Variants in WDR7 observed in about 807,000 individuals in gnomAD.
The protein encoded by WDR7 is WD repeat-containing protein 7.
A neutral mutation model predicts 169.4 loss-of-function variants in WDR7; 46 were observed. That is an observed-to-expected ratio of 0.27 (90% CI 0.21 to 0.35). The LOEUF is 0.35. WDR7 is among the 10% of genes least tolerant of loss of function. The pLI, the probability that WDR7 is intolerant of heterozygous loss-of-function variation, is 1.00. For missense variants in WDR7, 1,534 were observed against 1,859.3 expected (o/e 0.83, Z 3.22); for synonymous variants, 612 against 666.8 (o/e 0.92, Z 1.27).
intron 12 of WDR7, among the ~76,000 whole-genome samples, chr18:56,702,173 C>T (rs1337131862): frequency 1.2e-4 from 19 of 152,146 alleles, no homozygotes; most frequent in Admixed American, 1.2e-3. Context: ...TCCAACGCTC[C>T]ATCATTAGAA....
chr18:57,031,123 T>C (rs943732822), downstream of WDR7: 4 of 152,214 alleles, frequency 2.6e-5, no homozygotes, highest in Admixed American at 2.6e-4. Context: ...GGTTACATTG[T>C]TTTGTGCTAA....
At chr18:56,781,691 A>G (rs1261860125) in intron 19 of WDR7, 35 bp downstream of exon 19, 7 of 1,509,472 alleles carry the variant, frequency 4.6e-6, no homozygotes, top group Non-Finnish European at 6.2e-6. Flanking sequence ...AAAGCTTTGC[A>G]GGAATATGTA....
chr18:56,842,428 C>G (rs998460314), intron 20 of WDR7, among the ~76,000 whole-genome samples: 1 of 152,178 alleles, frequency 6.6e-6, no homozygotes, highest in Non-Finnish European at 1.5e-5. Context: ...CTAATCATCT[C>G]TTAAAGGTCC....
intron 25 of WDR7, among the ~76,000 whole-genome samples, chr18:56,943,352 T>G (rs931522075): frequency 4.6e-5 from 7 of 152,180 alleles, no homozygotes; most frequent in African/African-American, 1.7e-4. Flanking sequence ...TCTTTTTTTT[T>G]TTGTTTCCTT....
At chr18:56,883,408 A>G (rs975131687) in intron 21 of WDR7, among the ~76,000 whole-genome samples, 4 of 151,916 alleles carry the variant, frequency 2.6e-5, no homozygotes, top group Admixed American at 1.3e-4. Context: ...ATTAGCTTCT[A>G]TATGACTTTT....
chr18:56,700,057 T>G (rs1230677511), intron 12 of WDR7: 1 of 202,940 alleles, frequency 4.9e-6, no homozygotes, highest in African/African-American at 2.4e-5. Context: ...TGCTTTATTT[T>G]TAATGAACTA....
In WDR7 at chr18:56,830,602, G is replaced by A. The variant is rs148235721; in HGVS notation, c.3304+14458G>A. On this transcript the variant is annotated intron_variant, in intron 20 of 27. Transcript: ENST00000254442. ...TCTGGGCGCTGCACTATACATCTTCGATACTTGTGATACTAAGGGTGTCTG... is the reference window on the plus strand; with the variant it reads ...TCTGGGCGCTGCACTATACATCTTCAATACTTGTGATACTAAGGGTGTCTG... Among the ~76,000 whole-genome samples, 1,262 of 152,276 alleles carry A rather than the reference G, an allele frequency of 8.3e-3. 21 individuals are homozygous for A. Among genetic ancestry groups the A allele is most frequent in the African/African-American group, 0.026 (1,093 of 41,544 alleles).
intron 11 of WDR7, among the ~76,000 whole-genome samples, 194 bp from the exon 12 acceptor site, chr18:56,696,048 C>G: frequency 6.6e-6 from 1 of 152,080 alleles, no homozygotes; most frequent in Admixed American, 6.6e-5. Flanking sequence ...TCTGGATTAC[C>G]CCCATTTCAA....
At chr18:56,787,284 C>T (rs1313679172) in intron 19 of WDR7, among the ~76,000 whole-genome samples, 6 of 152,112 alleles carry the variant, frequency 3.9e-5, no homozygotes, top group Admixed American at 1.3e-4. Flanking sequence ...AGGTCACAAG[C>T]GTAATTATTT....
chr18:56,696,380 T>C lies in WDR7; in HGVS notation c.1496T>C (p.Ile499Thr). The change falls in exon 12 of 28, where the codon ATA (isoleucine) becomes ACA (threonine). Residue 499 changes from isoleucine (I) to threonine (T), a missense_variant. Coordinates refer to ENST00000254442, the MANE Select transcript of WDR7 (RefSeq NM_015285.3). ...GATTTTTCAGTCATAATTTGGGACA[T>C]ATTTTCTGGAGAAATGAAACATATC... ...GVDFSVIIWD[I>T]FSGEMKHIFC... 6.2e-7 allele frequency: 1 copy of C among 1,614,196 alleles called. No individual in the cohort carries two copies. Among genetic ancestry groups the C allele is most frequent in the Non-Finnish European group, 8.5e-7 (1 of 1,180,028 alleles).
At chr18:56,871,870 T>C (rs2045957570) in intron 20 of WDR7, among the ~76,000 whole-genome samples, 1 of 152,088 alleles carries the variant, frequency 6.6e-6, no homozygotes, top group Non-Finnish European at 1.5e-5. Context: ...CTGACTGAAT[T>C]CAACCGCATT....
At chr18:56,723,719 G>C (rs2026374277) in intron 13 of WDR7, among the ~76,000 whole-genome samples, 2 of 152,028 alleles carry the variant, frequency 1.3e-5, no homozygotes, top group South Asian at 4.1e-4. Flanking sequence ...ATCCGTGGCT[G>C]TGTAGATTTT....
intron 21 of WDR7, among the ~76,000 whole-genome samples, chr18:56,900,078 G>GTATATA (rs770477916): frequency 2.4e-5 from 3 of 125,038 alleles, no homozygotes; most frequent in African/African-American, 7.8e-5. Flanking sequence ...GTGTGTGTGT[G>GTATATA]TGTGTATATA....
rs186193268 is a variant in WDR7 at position 56,804,095 on chromosome 18, C to A, written c.3191-11936C>A. On this transcript the variant is annotated intron_variant, in intron 19 of 27. Transcript: ENST00000254442. Reference sequence around the variant, plus strand: ...ACAAACGTGAGCCACCACACCTGGCCCATCATTGAATTTAATGTATGACAT... The same window carrying A: ...ACAAACGTGAGCCACCACACCTGGCACATCATTGAATTTAATGTATGACAT... Among the ~76,000 whole-genome samples the A allele has an allele frequency of 4.2e-4, 64 of 152,296 alleles. No homozygotes were observed. The East Asian group carries it at 0.011, about 27-fold the overall frequency.
At chr18:56,860,779 GTTAAA>G (rs1446700419) in intron 20 of WDR7, among the ~76,000 whole-genome samples, 6 of 152,004 alleles carry the variant, frequency 3.9e-5, no homozygotes, top group East Asian at 3.9e-4. Flanking sequence ...TCTAAGGAAT[GTTAAA>G]TTAAGTTGTT....
intron 21 of WDR7, among the ~76,000 whole-genome samples, chr18:56,918,423 A>T (rs1278431570): frequency 1.3e-5 from 2 of 152,212 alleles, no homozygotes; most frequent in Non-Finnish European, 1.5e-5. Context: ...TACAAATGGC[A>T]ATGATTTCTA....
chr18:56,977,754 G>A (rs1316588090), intron 26 of WDR7, among the ~76,000 whole-genome samples: 1 of 152,118 alleles, frequency 6.6e-6, no homozygotes, highest in Admixed American at 6.6e-5. Flanking sequence ...TATATAAGAA[G>A]GGATATAAGA....
chr18:56,697,559 C>CTATA, intron 12 of WDR7, among the ~76,000 whole-genome samples: 1 of 21,710 alleles, frequency 4.6e-5, no homozygotes, highest in Admixed American at 8.6e-4. Context: ...TGAAAAACTG[C>CTATA]TATGTATTTA....
intron 1 of WDR7, among the ~76,000 whole-genome samples, chr18:56,655,704 C>T (rs1282083579): frequency 6.6e-6 from 1 of 151,626 alleles, no homozygotes; most frequent in African/African-American, 2.4e-5. Context: ...TTTCTAGTTT[C>T]ATCCACCTCC....
Sources: gnomAD v4.1 joint callset for allele counts (sites outside exome capture counted in the v4.1 genomes callset) on GRCh38, gnomAD v4.1.1 for gene constraint, MANE v1.5 for transcripts, NCBI Gene and HGNC (gene_info 2026-07-23, HGNC 2026-07-21) for gene names.